ULK4: variants seen among roughly 807,000 people sequenced by gnomAD.
ULK4 encodes inactive serine/threonine-protein kinase ULK4.
Under a neutral mutation model 160.6 loss-of-function variants are expected in ULK4, and 133 were observed. The observed-to-expected ratio is 0.83, with a 90% CI of 0.72 to 0.96. ULK4 has a LOEUF of 0.96. ULK4 is among the 40% of genes least tolerant of loss of function. The pLI is 0.00. For synonymous variants in ULK4, 534 were observed against 539.8 expected (o/e 0.99, Z 0.15); for missense variants, 1,580 against 1,499.5 (o/e 1.05, Z -0.89).
chr3:41,545,104 G>A (rs76630967), intron 32 of ULK4, among the ~76,000 whole-genome samples: 5 of 152,088 alleles, frequency 3.3e-5, no homozygotes, highest in South Asian at 4.2e-4. Flanking sequence ...TTTATTGTGC[G>A]GCAGATTTGT....
intron 2 of ULK4, among the ~76,000 whole-genome samples, chr3:41,952,498 G>A (rs1483323432): frequency 2.0e-5 from 3 of 152,022 alleles, no homozygotes; most frequent in African/African-American, 4.8e-5. Flanking sequence ...TTAGGGAAAT[G>A]CAAATCAAAA....
At chr3:41,954,027 C>CA (rs1268575047) in intron 2 of ULK4, among the ~76,000 whole-genome samples, 2 of 151,920 alleles carry the variant, frequency 1.3e-5, no homozygotes, top group East Asian at 3.9e-4. Context: ...ACTAAAAATA[C>CA]AAAAATTAGC....
At position 41,917,911 on chromosome 3, in the gene ULK4, C is replaced by T. The variant is rs555309851; in HGVS notation, c.727+546G>A. On this transcript the variant is annotated intron_variant, in intron 7 of 36. Transcript: ENST00000301831. ...CTGAGGCAGGAGAACTGCTTGAACC[C>T]GGGAGGCGGAGGTTGCAGTGAGCCG... Among the ~76,000 whole-genome samples, 14 of 152,078 alleles carry T rather than the reference C, an allele frequency of 9.2e-5. No individual in the cohort carries two copies. In the South Asian group the frequency reaches 1.9e-3, roughly 20 times the overall value.
chr3:41,637,835 T>C (rs1422601894), intron 30 of ULK4, among the ~76,000 whole-genome samples: 1 of 152,238 alleles, frequency 6.6e-6, no homozygotes, highest in Non-Finnish European at 1.5e-5. Flanking sequence ...TATCTGGGTA[T>C]CTTCTTTTGA....
chr3:41,710,370 G>A (rs1320880105), intron 25 of ULK4, among the ~76,000 whole-genome samples: 3 of 152,116 alleles, frequency 2.0e-5, no homozygotes, highest in Non-Finnish European at 4.4e-5. Context: ...GGAACATATA[G>A]TCATTGGCTG....
chr3:41,644,589 G>T (rs1427913946), intron 30 of ULK4, among the ~76,000 whole-genome samples: 2 of 151,214 alleles, frequency 1.3e-5, no homozygotes, highest in African/African-American at 4.9e-5. Context: ...GCTGGATTCG[G>T]TTTGCCAGTA....
chr3:41,675,218 G>A (rs180749772), intron 29 of ULK4, among the ~76,000 whole-genome samples: 162 of 150,280 alleles, frequency 1.1e-3, no homozygotes, highest in African/African-American at 3.8e-3. Flanking sequence ...CCAGCCTGGC[G>A]ACAAAGCAAG....
intron 35 of ULK4, among the ~76,000 whole-genome samples, chr3:41,276,840 C>T (rs1247323044): frequency 6.6e-6 from 1 of 152,140 alleles, no homozygotes; most frequent in Non-Finnish European, 1.5e-5. Flanking sequence ...TGTGCTTAAT[C>T]TCACAGTAGC....
chr3:41,489,493 A>T (rs1052470248), intron 32 of ULK4, among the ~76,000 whole-genome samples: 1 of 152,172 alleles, frequency 6.6e-6, no homozygotes, highest in African/African-American at 2.4e-5. Flanking sequence ...TCCTCATGTA[A>T]GGAAGCCAAA....
At chr3:41,342,332 A>G (rs992272234) in intron 35 of ULK4, among the ~76,000 whole-genome samples, 1 of 152,116 alleles carries the variant, frequency 6.6e-6, no homozygotes, top group Non-Finnish European at 1.5e-5. Flanking sequence ...CTATAATCTA[A>G]TGCTTCCATC....
Position 41,773,393 on chromosome 3 carries a change from G to A in ULK4, c.2193+16268C>T, listed in dbSNP as rs912864852. Among the ~76,000 whole-genome samples, 7 of 152,116 alleles carry A rather than the reference G, an allele frequency of 4.6e-5. No homozygotes were observed. The East Asian group carries it at 5.8e-4, about 13-fold the overall frequency. ...CAAAGTCTCAGGATACAAAATCAAC[G>A]TGCAAAAATCACAGGCATTCTTATA... On this transcript the variant is annotated intron_variant, in intron 21 of 36. Transcript: ENST00000301831.
chr3:41,387,200 T>C (rs1182412941), intron 35 of ULK4, among the ~76,000 whole-genome samples: 1 of 152,144 alleles, frequency 6.6e-6, no homozygotes, highest in East Asian at 1.9e-4. Flanking sequence ...AAGATATCTA[T>C]CATTTAAAAC....
intron 30 of ULK4, among the ~76,000 whole-genome samples, chr3:41,660,177 C>G (rs957010443): frequency 6.6e-6 from 1 of 152,070 alleles, no homozygotes; most frequent in African/African-American, 2.4e-5. Flanking sequence ...TGCCTGTAAT[C>G]CCAGCTACTC....
At chr3:41,492,419 T>C (rs995211456) in intron 32 of ULK4, among the ~76,000 whole-genome samples, 8 of 136,594 alleles carry the variant, frequency 5.9e-5, no homozygotes, top group Admixed American at 3.7e-4. Flanking sequence ...AAAGAGCTCC[T>C]GAAGGAAGCA....
At chr3:41,456,746 T>C (rs2083564790) in intron 33 of ULK4, among the ~76,000 whole-genome samples, 1 of 152,220 alleles carries the variant, frequency 6.6e-6, no homozygotes, top group African/African-American at 2.4e-5. Context: ...CACTTTTCAA[T>C]AATGACCTTT....
intron 35 of ULK4, among the ~76,000 whole-genome samples, chr3:41,361,038 G>A (rs1203744462): frequency 6.6e-6 from 1 of 152,144 alleles, no homozygotes; most frequent in Non-Finnish European, 1.5e-5. Flanking sequence ...GATGACGCAG[G>A]AGAGAGAAAG....
At chr3:41,860,813 T>C (rs1329186051) in intron 17 of ULK4, among the ~76,000 whole-genome samples, 1 of 152,178 alleles carries the variant, frequency 6.6e-6, no homozygotes, top group Non-Finnish European at 1.5e-5. Flanking sequence ...TTTCCTATCC[T>C]CCACTAGTGA....
chr3:41,439,818 A>G (rs1197724102), intron 34 of ULK4, among the ~76,000 whole-genome samples: 1 of 152,142 alleles, frequency 6.6e-6, no homozygotes, highest in Non-Finnish European at 1.5e-5. Context: ...ATTTTGGGAG[A>G]ACTAGCATCT....
At chr3:41,564,487 T>C (rs1468840268) in intron 32 of ULK4, among the ~76,000 whole-genome samples, 6 of 131,706 alleles carry the variant, frequency 4.6e-5, no homozygotes, top group Admixed American at 8.2e-5. Context: ...AGACAGTGTC[T>C]CACTCTTGTA....
Sources: gnomAD v4.1 joint callset for allele counts (sites outside exome capture counted in the v4.1 genomes callset) on GRCh38, gnomAD v4.1.1 for gene constraint, MANE v1.5 for transcripts, NCBI Gene and HGNC (gene_info 2026-07-23, HGNC 2026-07-21) for gene names.